GALNTL6: variants seen among roughly 807,000 people sequenced by gnomAD.
GALNTL6 encodes polypeptide N-acetylgalactosaminyltransferase-like 6.
GALNTL6 carries 46 observed loss-of-function variants against 73.7 expected under a neutral mutation model. The ratio of observed to expected loss-of-function variants is 0.62; its 90% CI spans 0.49 to 0.80. The LOEUF is 0.80. GALNTL6 is among the 30% of genes least tolerant of loss of function. The pLI is 0.00. For synonymous variants in GALNTL6, 259 were observed against 263.7 expected, an observed-to-expected ratio of 0.98 and a Z score of 0.17; for missense variants, 604 against 755.0, an observed-to-expected ratio of 0.80 and a Z score of 2.34.
intron 5 of GALNTL6, among the ~76,000 whole-genome samples, chr4:172,766,153 C>T (rs1363186858): frequency 6.6e-6 from 1 of 152,180 alleles, no homozygotes; most frequent in Non-Finnish European, 1.5e-5. Context: ...CTCTCTTCTA[C>T]ACCTCTATTC....
At chr4:171,904,601 C>G (rs1244631518) in intron 2 of GALNTL6, among the ~76,000 whole-genome samples, 2 of 152,158 alleles carry the variant, frequency 1.3e-5, no homozygotes, top group Non-Finnish European at 2.9e-5. Flanking sequence ...CTTCCCCAAT[C>G]TAGCAAGGCA....
At chr4:172,757,450 T>G (rs1392242602) in intron 5 of GALNTL6, among the ~76,000 whole-genome samples, 3 of 152,178 alleles carry the variant, frequency 2.0e-5, no homozygotes, top group Non-Finnish European at 4.4e-5. Context: ...TTAAGACAGG[T>G]GATATTTTTT....
At chr4:172,480,998 C>G (rs999203855) in intron 5 of GALNTL6, among the ~76,000 whole-genome samples, 1 of 152,138 alleles carries the variant, frequency 6.6e-6, no homozygotes, top group African/African-American at 2.4e-5. Context: ...CACAACGTGT[C>G]CAAAATTGGT....
chr4:172,389,067 T>C (rs953451847), intron 5 of GALNTL6, among the ~76,000 whole-genome samples: 2 of 152,062 alleles, frequency 1.3e-5, no homozygotes, highest in African/African-American at 4.8e-5. Flanking sequence ...TATGATTATA[T>C]TAGACAAGAC....
intron 2 of GALNTL6, among the ~76,000 whole-genome samples, chr4:171,913,100 A>G (rs1737520742): frequency 6.6e-6 from 1 of 152,082 alleles, no homozygotes; most frequent in Non-Finnish European, 1.5e-5. Context: ...TTCTATTTTT[A>G]CTTACATTTT....
At chr4:172,873,277 A>G (rs1343747806) in intron 7 of GALNTL6, among the ~76,000 whole-genome samples, 1 of 152,250 alleles carries the variant, frequency 6.6e-6, no homozygotes, top group Admixed American at 6.5e-5. Flanking sequence ...TTAATGTGTT[A>G]CAAAGACTCT....
At chr4:172,838,569 G>A (rs1179283173) in intron 7 of GALNTL6, among the ~76,000 whole-genome samples, 1 of 152,104 alleles carries the variant, frequency 6.6e-6, no homozygotes, top group Non-Finnish European at 1.5e-5. Context: ...GCTTTCTTTT[G>A]TCTTGCAACC....
intron 11 of GALNTL6, among the ~76,000 whole-genome samples, chr4:173,016,350 C>T (rs540005507): frequency 5.3e-5 from 8 of 152,186 alleles, no homozygotes; most frequent in Admixed American, 2.0e-4. Context: ...CACCATGCAC[C>T]TGAAAAAGCC....
chr4:171,865,012 G>A (rs990724488), intron 2 of GALNTL6, among the ~76,000 whole-genome samples: 1 of 152,010 alleles, frequency 6.6e-6, no homozygotes, highest in African/African-American at 2.4e-5. Flanking sequence ...CGGGCATGGT[G>A]GTGTGCACCT....
chr4:171,856,307 G>A (rs897885069), intron 2 of GALNTL6, among the ~76,000 whole-genome samples: 3 of 150,268 alleles, frequency 2.0e-5, no homozygotes, highest in African/African-American at 7.4e-5. Flanking sequence ...TAGAGACGGG[G>A]TTTTGCCATG....
chr4:172,962,955 G>A (rs2126383563), intron 10 of GALNTL6, among the ~76,000 whole-genome samples: 1 of 152,200 alleles, frequency 6.6e-6, no homozygotes, highest in East Asian at 1.9e-4. Flanking sequence ...AAAACAAACT[G>A]GAGACGAGGC....
intron 2 of GALNTL6, among the ~76,000 whole-genome samples, chr4:172,025,872 A>G (rs992792694): frequency 2.6e-5 from 4 of 151,948 alleles, no homozygotes; most frequent in African/African-American, 9.7e-5. Flanking sequence ...TTCTCAGGAG[A>G]AAACCAGTAA....
intron 5 of GALNTL6, among the ~76,000 whole-genome samples, chr4:172,611,603 T>C (rs948426977): frequency 3.9e-5 from 6 of 152,044 alleles, no homozygotes; most frequent in African/African-American, 1.4e-4. Flanking sequence ...ATCTTTGAAA[T>C]TTTTTCTTTC....
intron 2 of GALNTL6, among the ~76,000 whole-genome samples, chr4:172,036,800 T>C (rs1741941112): frequency 6.6e-6 from 1 of 152,126 alleles, no homozygotes; most frequent in African/African-American, 2.4e-5. Context: ...CATTTATTTA[T>C]TACACAAAGG....
rs1735738034 is a variant in GALNTL6, at chr4:171,858,093, T to C, written c.138+43375T>C. Among the ~76,000 whole-genome samples, 4 of 152,312 alleles carry C rather than the reference T, an allele frequency of 2.6e-5. No homozygotes were observed. The South Asian group carries it at 8.3e-4, about 32-fold the overall frequency. On this transcript the variant is annotated intron_variant, in intron 2 of 12. Transcript: ENST00000506823. ...GATACTTGGGATTTTGTTTTTGTTT[T>C]GTTTTTAATGTTTCATTTCTAGGCA...
intron 8 of GALNTL6, among the ~76,000 whole-genome samples, chr4:172,905,812 CAAAAAA>C (rs397996287): frequency 1.0e-4 from 7 of 69,680 alleles, no homozygotes; most frequent in African/African-American, 2.2e-4. Flanking sequence ...AGAGATCACT[CAAAAAA>C]AAAAAAAAAA....
At chr4:172,185,396 G>A (rs970900921) in intron 2 of GALNTL6, among the ~76,000 whole-genome samples, 3 of 152,090 alleles carry the variant, frequency 2.0e-5, no homozygotes, top group East Asian at 1.9e-4. Context: ...CTAAATGATC[G>A]TTACACCACA....
At chr4:172,310,694 A>G (rs577492701) in intron 3 of GALNTL6, among the ~76,000 whole-genome samples, 4 of 152,326 alleles carry the variant, frequency 2.6e-5, no homozygotes, top group Middle Eastern at 3.4e-3. Context: ...AGATAAAATA[A>G]AAACAGAATG....
At chr4:172,526,947 G>A (rs1478300144) in intron 5 of GALNTL6, among the ~76,000 whole-genome samples, 1 of 151,652 alleles carries the variant, frequency 6.6e-6, no homozygotes, top group Non-Finnish European at 1.5e-5. Flanking sequence ...AACCAGAGCT[G>A]GTGCTGCACT....
Sources: allele counts gnomAD v4.1 joint callset (sites outside exome capture counted in the v4.1 genomes callset), GRCh38; gene constraint gnomAD v4.1.1; transcripts MANE v1.5; gene names NCBI Gene and HGNC (gene_info 2026-07-23, HGNC 2026-07-21).